Variants in OLFML1 observed in about 807,000 individuals in gnomAD.
OLFML1 encodes olfactomedin-like protein 1.
OLFML1 carries 33 observed loss-of-function variants against 37.3 expected under a neutral mutation model. The observed-to-expected ratio is 0.88, with a 90% CI of 0.67 to 1.18. The LOEUF (loss-of-function observed/expected upper bound fraction) is 1.18. OLFML1 is among the 50% of genes most tolerant of loss of function. The pLI is 0.00. For missense variants in OLFML1, 545 were observed against 483.7 expected (o/e 1.13, Z -1.19); for synonymous variants, 186 against 181.3 (o/e 1.03, Z -0.21).
Position 7,510,004 on chromosome 11 carries a change from C to A in OLFML1, c.1025C>A (p.Thr342Asn). 1 of 1,614,258 alleles carries A rather than the reference C, an allele frequency of 6.2e-7. No individual in the cohort carries two copies. The highest frequency in any genetic ancestry group is 1.1e-5 in the South Asian group (1 of 91,088). Residue 342 changes from threonine (T) to asparagine (N), a missense_variant, in exon 3 of 3, where the codon ACC becomes AAC. Physicochemically the swap from Thr to Asn is moderately conservative, Grantham distance 65. Coordinates refer to ENST00000329293, the MANE Select transcript of OLFML1 (RefSeq NM_198474.4). Reference protein sequence around the residue: ...STGGQGPHRITCIYDPLGTIS... With the variant: ...STGGQGPHRINCIYDPLGTIS... ...GGGGGCCAGGGCCCTCATCGCATCA[C>A]CTGCATCTATGATCCACTGGGCACT... is the stretch of plus-strand genomic sequence containing the variant.
intron 2 of OLFML1, among the ~76,000 whole-genome samples, chr11:7,495,771 CACA>C (rs1222485001): frequency 6.6e-6 from 1 of 152,112 alleles, no homozygotes; most frequent in Non-Finnish European, 1.5e-5. Context: ...GTCTGATGAC[CACA>C]ACAACCAACA....
intron 2 of OLFML1, among the ~76,000 whole-genome samples, chr11:7,499,673 G>A (rs549896512): frequency 6.6e-6 from 1 of 152,288 alleles, no homozygotes; most frequent in Admixed American, 6.5e-5. Context: ...ATCTACAAAG[G>A]AAGGAATAGG....
Position 7,509,977 on chromosome 11 carries a change from C to T in OLFML1, c.998C>T (p.Thr333Ile), listed in dbSNP as rs762992991. ...GGGGTTCTCTATGTGGTCTACAGTACTGGGGGCCAGGGCCCTCATCGCATC... is the reference window on the plus strand; with the variant it reads ...GGGGTTCTCTATGTGGTCTACAGTATTGGGGGCCAGGGCCCTCATCGCATC... ...LCGVLYVVYS[T>I]GGQGPHRITC... Residue 333 changes from threonine (T) to isoleucine (I), a missense_variant, in exon 3 of 3, where the codon ACT becomes ATT. Transcript: ENST00000329293. 2 of 1,614,232 alleles carry T rather than the reference C, an allele frequency of 1.2e-6. No individual in the cohort carries two copies. Among genetic ancestry groups the T allele is most frequent in the East Asian group, 2.2e-5 (1 of 44,888 alleles).
chr11:7,509,586 G>C lies in OLFML1; in HGVS notation c.607G>C (p.Ala203Pro). Residue 203 changes from alanine (A) to proline (P), a missense_variant, in exon 3 of 3, where the codon GCT (alanine) becomes CCT (proline). By Grantham distance (27) the Ala-to-Pro change is conservative. Coordinates refer to ENST00000329293, the MANE Select transcript of OLFML1 (RefSeq NM_198474.4). Reference sequence around the variant, plus strand: ...ATTCATGGAGGATAACACCAAGCCAGCTCCCCGGAAGCAAATCCTAACACT... The same window carrying C: ...ATTCATGGAGGATAACACCAAGCCACCTCCCCGGAAGCAAATCCTAACACT... ...RAFMEDNTKP[A>P]PRKQILTLSW... 1 of 1,614,234 alleles carries C rather than the reference G, an allele frequency of 6.2e-7. No homozygotes were observed. Among genetic ancestry groups the C allele is most frequent in the Non-Finnish European group, 8.5e-7 (1 of 1,180,034 alleles).
At chr11:7,490,706 C>T (rs145201869) in intron 2 of OLFML1, among the ~76,000 whole-genome samples, 199 of 152,320 alleles carry the variant, frequency 1.3e-3, no homozygotes, top group African/African-American at 4.7e-3. Flanking sequence ...CTGGAGCTCA[C>T]ATTTGATGCT....
chr11:7,508,642 C>G (rs1312093680), intron 2 of OLFML1, among the ~76,000 whole-genome samples: 4 of 152,194 alleles, frequency 2.6e-5, no homozygotes, highest in African/African-American at 9.7e-5. Flanking sequence ...TTATCTTGCT[C>G]CTTGTAGGTA....
chr11:7,491,815 C>A (rs1474075955), intron 2 of OLFML1, among the ~76,000 whole-genome samples: 1 of 152,206 alleles, frequency 6.6e-6, no homozygotes, highest in Non-Finnish European at 1.5e-5. Flanking sequence ...GCTCCTACAG[C>A]CTCTCCTTGC....
chr11:7,486,555 G>A (rs7944843), intron 1 of OLFML1, among the ~76,000 whole-genome samples: 35,540 of 152,092 alleles, frequency 0.23, 4,483 homozygotes, highest in African/African-American at 0.31. Flanking sequence ...AGACTTAGAA[G>A]TGAGCAGATT....
chr11:7,492,062 C>T (rs1025017695), intron 2 of OLFML1, among the ~76,000 whole-genome samples: 2 of 152,226 alleles, frequency 1.3e-5, no homozygotes, highest in East Asian at 1.9e-4. Flanking sequence ...CATACACTCA[C>T]AGGTCCTGCC....
At chr11:7,508,194 G>A (rs7933395) in intron 2 of OLFML1, among the ~76,000 whole-genome samples, 90,392 of 151,694 alleles carry the variant, frequency 0.6, 27,237 homozygotes, top group African/African-American at 0.61. Flanking sequence ...CTGAGAAGGA[G>A]GAAAAGAAGG....
chr11:7,489,951 T>G (rs1015267844), intron 2 of OLFML1, among the ~76,000 whole-genome samples: 1 of 152,072 alleles, frequency 6.6e-6, no homozygotes, highest in South Asian at 2.1e-4. Flanking sequence ...TACCTCCCTA[T>G]CTGTAATGTC....
intron 2 of OLFML1, among the ~76,000 whole-genome samples, chr11:7,492,840 A>C (rs1848614991): frequency 1.3e-5 from 2 of 152,332 alleles, no homozygotes; most frequent in Non-Finnish European, 1.5e-5. Flanking sequence ...TTTTAAAATT[A>C]TTCCAAGTCT....
In OLFML1 at chr11:7,490,138, G is replaced by C. The variant is rs374452109; in HGVS notation, c.418+1723G>C. Among the ~76,000 whole-genome samples, 248 of 132,338 alleles carry C rather than the reference G, an allele frequency of 1.9e-3. 1 individual carries two copies. The highest frequency in any genetic ancestry group is 6.4e-3 in the African/African-American group (235 of 36,440). The allele number at this position is 132,338 out of a possible 152,430, so 86.8% of individuals were successfully genotyped here. A position where few individuals can be genotyped will look rare whatever the true frequency, so the allele number is the denominator to read the frequency against. On this transcript the variant is annotated intron_variant, in intron 2 of 2. Transcript: ENST00000329293. ...GGGGTTAGTTAGGCTTTGGTGGGGG[G>C]GGGGGCGGGGAACCAAAAAACATCT...
At chr11:7,492,442 T>C (rs1375992563) in intron 2 of OLFML1, among the ~76,000 whole-genome samples, 3 of 152,240 alleles carry the variant, frequency 2.0e-5, no homozygotes, top group Non-Finnish European at 4.4e-5. Flanking sequence ...ATGATGCAAC[T>C]TCCTTGGAAA....
intron 2 of OLFML1, among the ~76,000 whole-genome samples, chr11:7,498,443 T>C (rs1231535566): frequency 6.6e-6 from 1 of 152,186 alleles, no homozygotes; most frequent in Non-Finnish European, 1.5e-5. Context: ...CTGCATGCTA[T>C]GCTGAGATAT....
At chr11:7,495,911 T>C (rs1848657584) in intron 2 of OLFML1, among the ~76,000 whole-genome samples, 1 of 152,194 alleles carries the variant, frequency 6.6e-6, no homozygotes, top group African/African-American at 2.4e-5. Context: ...CCAGACATGC[T>C]AGATTCATCT....
At chr11:7,503,685 T>G (rs1402212024) in intron 2 of OLFML1, among the ~76,000 whole-genome samples, 1 of 152,180 alleles carries the variant, frequency 6.6e-6, no homozygotes, top group Non-Finnish European at 1.5e-5. Context: ...ATGGATGATT[T>G]ACTGAATGAT....
intron 2 of OLFML1, among the ~76,000 whole-genome samples, chr11:7,504,066 A>G (rs188621312): frequency 6.3e-4 from 96 of 152,280 alleles, no homozygotes; most frequent in African/African-American, 2.1e-3. Context: ...GAGAAAAATG[A>G]TCTAGGGTAA....
intron 1 of OLFML1, 74 bp downstream of exon 1, chr11:7,486,078 A>C (rs1375030720): frequency 7.1e-7 from 1 of 1,407,930 alleles, no homozygotes; most frequent in African/African-American, 1.4e-5. Flanking sequence ...ATGCTTCTCT[A>C]TCTACTGGGT....
Sources: gnomAD v4.1 joint callset for allele counts (sites outside exome capture counted in the v4.1 genomes callset) on GRCh38, gnomAD v4.1.1 for gene constraint, MANE v1.5 for transcripts, NCBI Gene and HGNC (gene_info 2026-07-23, HGNC 2026-07-21) for gene names.